Variants in PRAMEF4 observed in about 807,000 individuals in gnomAD.
The protein encoded by PRAMEF4 is RP5-845O24.6.
PRAMEF4 carries 18 observed loss-of-function variants against 34.4 expected under a neutral mutation model. The observed-to-expected ratio is 0.52, with a 90% CI of 0.36 to 0.78. PRAMEF4 has a LOEUF of 0.78. Ranked by LOEUF, PRAMEF4 falls within the 30% of genes least tolerant of loss-of-function variation. PRAMEF4 has a pLI of 0.00. For missense variants in PRAMEF4, 482 were observed against 569.1 expected (o/e 0.85, Z 1.56); for synonymous variants, 156 against 219.3 (o/e 0.71, Z 2.55).
chr1:12,884,518 G>T (rs1195363019), intron 1 of PRAMEF4, among the ~76,000 whole-genome samples: 1 of 147,918 alleles, frequency 6.8e-6, no homozygotes, highest in Non-Finnish European at 1.5e-5. Context: ...AATTCAAGAC[G>T]AGCCTGGCCA....
In PRAMEF4 at chr1:12,879,728, G is replaced by C. The variant is rs753793229; in HGVS notation, c.1253C>G (p.Pro418Arg). 2 of 1,603,220 alleles carry C rather than the reference G, an allele frequency of 1.2e-6. No individual in the cohort carries two copies. The highest frequency in any genetic ancestry group is 1.1e-5 in the South Asian group (1 of 90,422). Residue 418 changes from proline to arginine, a missense_variant, in exon 4 of 4, where the codon CCC (proline) becomes CGC (arginine). Coordinates refer to ENST00000235349, the MANE Select transcript of PRAMEF4 (RefSeq NM_001009611.4). Reference protein sequence around the residue: ...KNLCVELYPAPRESYGADGTL... With the variant: ...KNLCVELYPARRESYGADGTL... ...ACCATCAGCACCATAACTCTCCCGG[G>C]GGGCAGGATACAGCTCCACGCATAA...
intron 3 of PRAMEF4, among the ~76,000 whole-genome samples, chr1:12,880,612 G>A (rs1028038318): frequency 1.3e-5 from 2 of 149,062 alleles, no homozygotes; most frequent in Non-Finnish European, 3.0e-5. Context: ...TCCATTTGAG[G>A]CTGAGTCACT....
At position 12,881,017 on chromosome 1, in the gene PRAMEF4, A is replaced by G. The variant is rs2035829; in HGVS notation, c.875+837T>C. 4.9e-3 allele frequency among the ~76,000 whole-genome samples: 699 copies of G among 143,568 alleles called. 18 individuals carry two copies. Among genetic ancestry groups the G allele is most frequent in the South Asian group, 0.018 (81 of 4,454 alleles). The allele number at this position is 143,568 out of a possible 152,430, so 94.2% of individuals were successfully genotyped here. Reference sequence around the variant, plus strand: ...TTTCTGACAAGTGCAGGTTTGCTGAACATTCCCCTCTTCAGTGCCCACTTC... The same window carrying G: ...TTTCTGACAAGTGCAGGTTTGCTGAGCATTCCCCTCTTCAGTGCCCACTTC... On this transcript the variant is annotated intron_variant, in intron 3 of 3. Coordinates refer to ENST00000235349, the MANE Select transcript of PRAMEF4 (RefSeq NM_001009611.4).
chr1:12,882,475 C>T (rs1307075189), intron 2 of PRAMEF4, 40 bp from the exon 3 acceptor site: 3 of 1,580,752 alleles, frequency 1.9e-6, no homozygotes, highest in African/African-American at 1.4e-5. Flanking sequence ...TTTCAGAACT[C>T]ATTTCTGAAC....
At position 12,883,485 on chromosome 1, in the gene PRAMEF4, C is replaced by A; in HGVS notation, c.-16-75G>T. 2 of 1,569,800 alleles carry A rather than the reference C, an allele frequency of 1.3e-6. 1 individual carries two copies. The highest frequency in any genetic ancestry group is 1.7e-6 in the Non-Finnish European group (2 of 1,154,370). The stretch of plus-strand genomic sequence containing the variant: ...ATGCAATCTCATCCTCTCCTATGGC[C>A]AAACTCACTGCTCTGGCAATGGTGA... On this transcript the variant is annotated intron_variant, in intron 1 of 3. Coordinates refer to ENST00000235349, the MANE Select transcript of PRAMEF4 (RefSeq NM_001009611.4).
At chr1:12,880,818 T>C (rs1330245436) in intron 3 of PRAMEF4, among the ~76,000 whole-genome samples, 1 of 146,356 alleles carries the variant, frequency 6.8e-6, no homozygotes, top group African/African-American at 2.6e-5. Context: ...GCCTGTATCA[T>C]CAGCAAACCA....
chr1:12,883,357 T>TC lies in PRAMEF4; in HGVS notation c.37dup (p.Glu13GlyfsTer40), dbSNP rs1206600997. ...CCTTAGCAGGCTCCGCCCTGCAAGC[T>TC]CCAGGAGTCTGGGTGGAGTCCAGAT... On this transcript the variant is annotated frameshift_variant, in exon 2 of 4. Coordinates refer to ENST00000235349, the MANE Select transcript of PRAMEF4 (RefSeq NM_001009611.4). LOFTEE classifies it high-confidence loss of function. 1 of 1,600,576 alleles carries TC rather than the reference T, an allele frequency of 6.2e-7. No individual in the cohort carries two copies. Among genetic ancestry groups the TC allele is most frequent in the Non-Finnish European group, 8.5e-7 (1 of 1,173,680 alleles).
Position 12,883,127 on chromosome 1 carries a change from G to A in PRAMEF4, c.268C>T (p.Leu90=). The change falls in exon 2 of 4, where the codon CTG becomes TTG. Residue 90 remains leucine, a synonymous_variant. Coordinates refer to ENST00000235349, the MANE Select transcript of PRAMEF4 (RefSeq NM_001009611.4). ...CTGGGACGAACCCCTAGGTTAAGCA[G>A]TGCATCCAGCCCATCGAGCACAGCT... ...FQAVLDGLDA[L]LNLGVRPRRW... is the part of the protein sequence containing the mutation. The A allele has an allele frequency of 6.2e-7, 1 of 1,601,560 alleles. No individual in the cohort carries two copies. The highest frequency in any genetic ancestry group is 1.1e-5 in the South Asian group (1 of 90,184).
chr1:12,880,746 C>G (rs1444730534), intron 3 of PRAMEF4, among the ~76,000 whole-genome samples: 2 of 146,812 alleles, frequency 1.4e-5, no homozygotes, highest in Non-Finnish European at 3.0e-5. Flanking sequence ...GCATAAAGGA[C>G]AAACCCAGAC....
rs770839147 is a variant in PRAMEF4 at position 12,883,272 on chromosome 1, C to T, written c.123G>A (p.Leu41=). 1.9e-6 allele frequency: 3 copies of T among 1,595,460 alleles called. No individual in the cohort carries two copies. The highest frequency in any genetic ancestry group is 2.6e-6 in the Non-Finnish European group (3 of 1,170,962). The change falls in exon 2 of 4, where the codon CTG becomes CTA. Residue 41 remains leucine (L), a synonymous_variant. Coordinates refer to ENST00000235349, the MANE Select transcript of PRAMEF4 (RefSeq NM_001009611.4). ...GTCTCCTGCTGAAGGCCTCCATGAA[C>T]AGTGGGGGGAAAAGTTCTGTGGGCA... ...EELPTELFPP[L]FMEAFSRRRC...
chr1:12,885,842 G>C (rs1280705610), intron 1 of PRAMEF4, among the ~76,000 whole-genome samples: 3 of 141,096 alleles, frequency 2.1e-5, no homozygotes, highest in African/African-American at 8.2e-5. Flanking sequence ...GTCCAGGTTG[G>C]TCTCAAATCC....
rs1640898304 is a variant in PRAMEF4 at position 12,882,001 on chromosome 1, T to C, written c.728A>G (p.His243Arg). The C allele has an allele frequency of 1.3e-6, 2 of 1,590,380 alleles. No individual in the cohort carries two copies. Among genetic ancestry groups the C allele is most frequent in the Non-Finnish European group, 8.5e-7 (1 of 1,173,364 alleles). Reference protein sequence around the residue: ...MRNLQKLILSHMDVSRYVSPE... With the variant: ...MRNLQKLILSRMDVSRYVSPE... ...GGAAACGTAGCGAGAGACATCCATG[T>C]GGGAGAGAATGAGTTTCTGAAGATT... is the stretch of plus-strand genomic sequence containing the variant. Residue 243 changes from histidine to arginine, a missense_variant, in exon 3 of 4, where the codon CAC becomes CGC. Coordinates refer to ENST00000235349, the MANE Select transcript of PRAMEF4 (RefSeq NM_001009611.4).
At chr1:12,881,339 C>A (rs1640883800) in intron 3 of PRAMEF4, among the ~76,000 whole-genome samples, 1 of 148,552 alleles carries the variant, frequency 6.7e-6, no homozygotes. Context: ...GCACTGTAGC[C>A]TAGACGATCA....
Position 12,883,123 on chromosome 1 carries a change from A to C in PRAMEF4, c.272T>G (p.Leu91Arg). ...QAVLDGLDAL[L>R]NLGVRPRRWK... The stretch of plus-strand genomic sequence containing the variant: ...TCACCTGGGACGAACCCCTAGGTTA[A>C]GCAGTGCATCCAGCCCATCGAGCAC... The change falls in exon 2 of 4, where the codon CTT (leucine) becomes CGT (arginine). Residue 91 changes from leucine (L) to arginine (R), a missense_variant. By Grantham distance (102) the Leu-to-Arg change is moderately radical (BLOSUM62 -2). This residue lies in a region of PRAMEF4 where 172 missense variants were observed against 130.2 expected (regional missense o/e 1.32). Transcript: ENST00000235349. 6.2e-7 allele frequency: 1 copy of C among 1,601,486 alleles called. No individual in the cohort carries two copies. Among genetic ancestry groups the C allele is most frequent in the Non-Finnish European group, 8.5e-7 (1 of 1,174,224 alleles).
chr1:12,882,549 T>A, intron 2 of PRAMEF4, 114 bp from the exon 3 acceptor site: 2 of 1,379,856 alleles, frequency 1.4e-6, no homozygotes, highest in Non-Finnish European at 2.0e-6. Flanking sequence ...TCTCTGACTT[T>A]TCTTCACTCT....
chr1:12,882,297 T>A lies in PRAMEF4; in HGVS notation c.432A>T (p.Lys144Asn). ...CGAACACAGTCAAGGGCTGCCGTCC[T>A]TTCATCCTTGGACAGTCCTCCACTG... Reference protein sequence around the residue: ...KKPVEDCPRMKGRQPLTVFVE... With the variant: ...KKPVEDCPRMNGRQPLTVFVE... The change falls in exon 3 of 4, where the codon AAA becomes AAT. Residue 144 changes from lysine (K) to asparagine (N), a missense_variant. Lys to Asn is a moderately conservative substitution (Grantham distance 94, BLOSUM62 0). This residue lies in a region of PRAMEF4 where 72 missense variants were observed against 128.9 expected (regional missense o/e 0.56). Coordinates refer to ENST00000235349, the MANE Select transcript of PRAMEF4 (RefSeq NM_001009611.4). 1 of 1,485,902 alleles carries A rather than the reference T, an allele frequency of 6.7e-7. No individual in the cohort carries two copies. Among genetic ancestry groups the A allele is most frequent in the Middle Eastern group, 2.0e-4 (1 of 5,012 alleles). The allele number at this position is 1,485,902 out of a possible 1,614,324, so 92.0% of individuals were successfully genotyped here.
chr1:12,882,961 C>G, intron 2 of PRAMEF4, 141 bp downstream of exon 2: 1 of 1,241,374 alleles, frequency 8.1e-7, no homozygotes, highest in Non-Finnish European at 1.1e-6. Context: ...AGTGCTTTCC[C>G]TGAGGAGCTG....
At chr1:12,880,601 T>G (rs1435398951) in intron 3 of PRAMEF4, among the ~76,000 whole-genome samples, 1 of 148,806 alleles carries the variant, frequency 6.7e-6, no homozygotes, top group Non-Finnish European at 1.5e-5. Flanking sequence ...GAAAAAATAA[T>G]TCCATTTGAG....
intron 2 of PRAMEF4, 87 bp downstream of exon 2, chr1:12,883,015 C>T (rs1198528524): frequency 2.6e-6 from 4 of 1,557,386 alleles, no homozygotes; most frequent in African/African-American, 1.4e-5. Context: ...CCACCATCCC[C>T]CTTGGGCCTC....
Sources: gnomAD v4.1 joint callset for allele counts (sites outside exome capture counted in the v4.1 genomes callset) on GRCh38, gnomAD v4.1.1 for gene constraint, gnomAD v4.1.1 regional missense constraint, MANE v1.5 for transcripts, NCBI Gene and HGNC (gene_info 2026-07-23, HGNC 2026-07-21) for gene names.